The following ANKFN1 variants were observed in gnomAD, a reference collection of about 807,000 sequenced individuals.
ANKFN1 encodes the protein ankyrin repeat and fibronectin type III domain containing 1, also known as ankyrin repeat and fibronectin type-III domain-containing protein 1.
In ANKFN1, 74 loss-of-function variants were observed where a neutral mutation model predicts 108.7. The ratio of observed to expected loss-of-function variants is 0.68; its 90% CI spans 0.56 to 0.83. The LOEUF (loss-of-function observed/expected upper bound fraction) is 0.83. ANKFN1 is among the 40% of genes least tolerant of loss of function. ANKFN1 has a pLI of 0.00. For synonymous variants in ANKFN1, 547 were observed against 516.2 expected, an observed-to-expected ratio of 1.06 and a Z score of -0.81; for missense variants, 1,505 against 1,382.3, an observed-to-expected ratio of 1.09 and a Z score of -1.41.
chr17:56,354,725 G>A (rs1056811294), intron 6 of ANKFN1, among the ~76,000 whole-genome samples: 3 of 151,994 alleles, frequency 2.0e-5, no homozygotes, highest in Non-Finnish European at 4.4e-5. Flanking sequence ...TGTAATTTCT[G>A]CTTCTATGAT....
At chr17:56,325,355 G>A (rs985460312) in intron 3 of ANKFN1, among the ~76,000 whole-genome samples, 1 of 151,992 alleles carries the variant, frequency 6.6e-6, no homozygotes, top group Non-Finnish European at 1.5e-5. Flanking sequence ...ATAATAAACA[G>A]CCTGTGAAGG....
At chr17:56,198,787 T>A (rs1913767342) in intron 1 of ANKFN1, among the ~76,000 whole-genome samples, 1 of 152,196 alleles carries the variant, frequency 6.6e-6, no homozygotes. Flanking sequence ...GACACCTGGG[T>A]CTGTTTCTGG....
intron 4 of ANKFN1, among the ~76,000 whole-genome samples, chr17:56,072,639 A>T (rs377216237): frequency 2.1e-4 from 32 of 152,286 alleles, no homozygotes; most frequent in Middle Eastern, 3.4e-3. Flanking sequence ...CTTGTGTCTG[A>T]TGTTGCTATC....
chr17:56,430,280 G>A (rs1330074121), intron 8 of ANKFN1, among the ~76,000 whole-genome samples: 3 of 152,000 alleles, frequency 2.0e-5, no homozygotes, highest in Non-Finnish European at 4.4e-5. Flanking sequence ...AAAAAATAGT[G>A]CATGACTTCT....
chr17:56,273,983 T>C (rs2144197571), intron 3 of ANKFN1, among the ~76,000 whole-genome samples: 1 of 152,320 alleles, frequency 6.6e-6, no homozygotes. Context: ...TTCTCATCAA[T>C]GACAGGTTCC....
intron 19 of ANKFN1, among the ~76,000 whole-genome samples, chr17:56,495,359 C>A (rs2051168535): frequency 6.6e-6 from 1 of 151,886 alleles, no homozygotes; most frequent in Non-Finnish European, 1.5e-5. Context: ...CACTCTGTCT[C>A]TCAAAATGAA....
At chr17:56,325,396 T>C (rs146285197) in intron 3 of ANKFN1, among the ~76,000 whole-genome samples, 3 of 152,196 alleles carry the variant, frequency 2.0e-5, no homozygotes, top group East Asian at 3.9e-4. Flanking sequence ...GTGAGAGCCA[T>C]TAAAAATGCC....
In ANKFN1 at chr17:56,514,702, G is replaced by T. The variant is rs925368298; in HGVS notation, c.*3433G>T. ...CTGGAGAAATTGTTTCATTTGGTTT[G>T]AAAATTGAAGCAAGTTAGTAATAAT... On this transcript the variant is annotated 3_prime_UTR_variant, in exon 21 of 21. Transcript: ENST00000682825. Among the ~76,000 whole-genome samples, 1 of 152,152 alleles carries T rather than the reference G, an allele frequency of 6.6e-6. No homozygotes were observed. Among genetic ancestry groups the T allele is most frequent in the African/African-American group, 2.4e-5 (1 of 41,444 alleles).
chr17:56,471,986 T>C (rs907955842), intron 15 of ANKFN1: 2 of 152,204 alleles, frequency 1.3e-5, no homozygotes, highest in African/African-American at 4.8e-5. Context: ...CACAACCAAG[T>C]GAATACGCTA....
At chr17:56,392,774 A>C (rs903678969) in intron 8 of ANKFN1, among the ~76,000 whole-genome samples, 1 of 152,194 alleles carries the variant, frequency 6.6e-6, no homozygotes, top group Non-Finnish European at 1.5e-5. Context: ...ACCATCTGCC[A>C]ATCCTTTTGC....
At chr17:56,335,001 G>A (rs1319958855) in intron 4 of ANKFN1, among the ~76,000 whole-genome samples, 2 of 152,092 alleles carry the variant, frequency 1.3e-5, no homozygotes, top group East Asian at 3.9e-4. Flanking sequence ...CCCATTGCTT[G>A]TTTTTGTCAG....
intron 6 of ANKFN1, among the ~76,000 whole-genome samples, chr17:56,361,285 C>A (rs568111442): frequency 6.6e-6 from 1 of 152,096 alleles, no homozygotes; most frequent in South Asian, 2.1e-4. Context: ...CTAATCCCCA[C>A]GTGCACACAC....
intron 4 of ANKFN1, among the ~76,000 whole-genome samples, chr17:56,088,630 C>A (rs1338867581): frequency 3.3e-5 from 5 of 151,088 alleles, no homozygotes; most frequent in Non-Finnish European, 5.9e-5. Context: ...TCCCCAGCTA[C>A]CTCTGGGGCA....
intron 4 of ANKFN1, among the ~76,000 whole-genome samples, chr17:56,058,275 A>G (rs1310148122): frequency 1.3e-5 from 2 of 152,326 alleles, no homozygotes; most frequent in South Asian, 2.1e-4. Flanking sequence ...TTCCAATAGA[A>G]GGCTGTTTCA....
At chr17:56,408,027 C>A (rs966245090) in intron 8 of ANKFN1, among the ~76,000 whole-genome samples, 1 of 151,070 alleles carries the variant, frequency 6.6e-6, no homozygotes. Flanking sequence ...CTCCGCCTCC[C>A]GGGTTCAAGC....
At position 56,309,757 on chromosome 17, in the gene ANKFN1, A is replaced by G. The variant is rs148680659; in HGVS notation, c.54-16464A>G. ...GTTTAATTTATAAATGAGGCACAGT[A>G]AGTTATTAACAACAATAACTAATAA... On this transcript the variant is annotated intron_variant, in intron 3 of 20. Coordinates refer to ENST00000682825, the MANE Select transcript of ANKFN1 (RefSeq NM_001370326.1). Among the ~76,000 whole-genome samples the G allele has an allele frequency of 8.5e-3, 1,295 of 152,340 alleles. 16 individuals carry two copies. Among genetic ancestry groups the G allele is most frequent in the African/African-American group, 0.03 (1,232 of 41,574 alleles).
chr17:56,499,326 TC>T (rs1376099457), intron 20 of ANKFN1, among the ~76,000 whole-genome samples: 3 of 152,032 alleles, frequency 2.0e-5, no homozygotes, highest in Admixed American at 6.6e-5. Flanking sequence ...GAAGAGTCAT[TC>T]CAGTTCTAGG....
At chr17:56,326,088 C>G in intron 3 of ANKFN1, 133 bp from the exon 4 acceptor site, 9 of 1,265,410 alleles carry the variant, frequency 7.1e-6, no homozygotes, top group South Asian at 6.2e-5. Context: ...AGCCTCTGAG[C>G]CAAGCTGTTT....
At chr17:56,263,065 T>G (rs2043560675) in intron 3 of ANKFN1, among the ~76,000 whole-genome samples, 1 of 152,198 alleles carries the variant, frequency 6.6e-6, no homozygotes, top group African/African-American at 2.4e-5. Flanking sequence ...CTTAATTTTA[T>G]TTCCGGAAAG....
Sources: gnomAD v4.1 joint callset for allele counts (sites outside exome capture counted in the v4.1 genomes callset) on GRCh38, gnomAD v4.1.1 for gene constraint, MANE v1.5 for transcripts, NCBI Gene and HGNC (gene_info 2026-07-23, HGNC 2026-07-21) for gene names.